FAM120B: variants seen among roughly 807,000 people sequenced by gnomAD.
FAM120B encodes constitutive coactivator of peroxisome proliferator-activated receptor gamma.
Under a neutral mutation model 96.3 loss-of-function variants are expected in FAM120B, and 83 were observed. The observed-to-expected ratio is 0.86, with a 90% CI of 0.72 to 1.03. FAM120B has a LOEUF of 1.03. Ranked by LOEUF, FAM120B falls within the 50% of genes least tolerant of loss-of-function variation. The pLI is 0.00. For missense variants in FAM120B, 1,027 were observed against 1,121.2 expected (o/e 0.92, Z 1.20); for synonymous variants, 407 against 402.7 (o/e 1.01, Z -0.13).
rs937924862 is a variant in FAM120B, at chr6:170,405,947, T to G, written c.*1196T>G. ...CGGCTGGGCTGCCATCAGGCCTGGT[T>G]TATGATGCCACAAGTGAATGGCACG... is the stretch of plus-strand genomic sequence containing the variant. On this transcript the variant is annotated 3_prime_UTR_variant, in exon 11 of 11. Coordinates refer to ENST00000476287, the MANE Select transcript of FAM120B (RefSeq NM_032448.3). 6.6e-6 allele frequency: 1 copy of G among 152,214 alleles called. No individual in the cohort carries two copies. Among genetic ancestry groups the G allele is most frequent in the African/African-American group, 2.4e-5 (1 of 41,458 alleles). The allele number at this position is 152,214 out of a possible 1,614,324, so 9.4% of individuals were successfully genotyped here.
At position 170,392,113 on chromosome 6, in the gene FAM120B, A is replaced by G. The variant is rs112581806; in HGVS notation, c.2599+992A>G. On this transcript the variant is annotated intron_variant, in intron 8 of 10. Transcript: ENST00000476287. ...GGAATCATAGATTGAAATATAATCA[A>G]TTTTAGGTAAATGATCACTGAATAC... Among the ~76,000 whole-genome samples the G allele has an allele frequency of 5.4e-3, 829 of 152,344 alleles. 9 individuals are homozygous for G. Among genetic ancestry groups the G allele is most frequent in the African/African-American group, 0.019 (787 of 41,578 alleles).
chr6:170,373,168 A>G (rs531927769), intron 6 of FAM120B, among the ~76,000 whole-genome samples: 1 of 152,360 alleles, frequency 6.6e-6, no homozygotes, highest in Admixed American at 6.5e-5. Context: ...CCTGGTTCCC[A>G]TCAGATGCCC....
intron 9 of FAM120B, among the ~76,000 whole-genome samples, chr6:170,398,295 G>A (rs1168273249): frequency 2.6e-5 from 4 of 152,256 alleles, no homozygotes; most frequent in African/African-American, 9.6e-5. Context: ...CATTAGTAAA[G>A]TGTAACTCTT....
Position 170,362,627 on chromosome 6 carries a change from C to A in FAM120B, c.2283+4309C>A, listed in dbSNP as rs533596253. ...ACTCACATGGTGTGTGCTCAGAAGT[C>A]ATTTTGCTCTCATCCCAGGGTGCAA... On this transcript the variant is annotated intron_variant, in intron 6 of 10. Transcript: ENST00000476287. Among the ~76,000 whole-genome samples, 3 of 151,934 alleles carry A rather than the reference C, an allele frequency of 2.0e-5. No homozygotes were observed. In the East Asian group the frequency reaches 5.8e-4, roughly 29 times the overall value.
chr6:170,368,722 G>A (rs375412823), intron 6 of FAM120B, among the ~76,000 whole-genome samples: 18 of 151,174 alleles, frequency 1.2e-4, no homozygotes, highest in African/African-American at 4.1e-4. Context: ...AAAACACCAC[G>A]GACTGGGTGG....
At chr6:170,376,293 AAG>A (rs1789506765) in intron 6 of FAM120B, among the ~76,000 whole-genome samples, 1 of 152,168 alleles carries the variant, frequency 6.6e-6, no homozygotes, top group African/African-American at 2.4e-5. Context: ...TGAAGCTTGT[AAG>A]AGAGTTTGGC....
chr6:170,336,594 T>C (rs2115091391), intron 4 of FAM120B, among the ~76,000 whole-genome samples: 1 of 152,338 alleles, frequency 6.6e-6, no homozygotes, highest in East Asian at 1.9e-4. Context: ...TTGGTGGGAA[T>C]AGCATTGAAT....
In FAM120B at chr6:170,370,212, G is replaced by T. The variant is rs533132523; in HGVS notation, c.2283+11894G>T. ...ACTTCCCCAGCGGGGCGGCCCCCAG[G>T]CCTTGTGTCCTCCTGCTCCCACATG... On this transcript the variant is annotated intron_variant, in intron 6 of 10. Coordinates refer to ENST00000476287, the MANE Select transcript of FAM120B (RefSeq NM_032448.3). The surrounding 1 kb of genome is among the most constrained non-coding windows in gnomAD (Gnocchi z 4.3). Among the ~76,000 whole-genome samples the T allele has an allele frequency of 7.2e-5, 11 of 152,324 alleles. No individual in the cohort carries two copies. The highest frequency in any genetic ancestry group is 2.6e-4 in the African/African-American group (11 of 41,580).
chr6:170,362,611 G>A (rs902826862), intron 6 of FAM120B, among the ~76,000 whole-genome samples: 1 of 152,058 alleles, frequency 6.6e-6, no homozygotes, highest in African/African-American at 2.4e-5. Flanking sequence ...CACTCACATG[G>A]TGTGTGCTCA....
chr6:170,404,517 TCTTA>T (rs1160809963), intron 9 of FAM120B, 29 bp from the exon 10 acceptor site: 2 of 1,602,010 alleles, frequency 1.2e-6, no homozygotes, highest in Non-Finnish European at 1.7e-6. Flanking sequence ...GAGATTTAAT[TCTTA>T]CTTTGGTTTT....
intron 8 of FAM120B, among the ~76,000 whole-genome samples, chr6:170,395,149 T>A (rs758596913): frequency 6.6e-6 from 1 of 152,094 alleles, no homozygotes; most frequent in Non-Finnish European, 1.5e-5. Flanking sequence ...CCTAGAGGGA[T>A]GGGCTTGGTC....
chr6:170,356,560 G>T (rs1039744294), intron 5 of FAM120B, among the ~76,000 whole-genome samples: 1 of 152,152 alleles, frequency 6.6e-6, no homozygotes, highest in African/African-American at 2.4e-5. Flanking sequence ...GTGAGGGATT[G>T]GTCCCAGGAC....
intron 9 of FAM120B, among the ~76,000 whole-genome samples, chr6:170,398,162 T>G (rs968911895): frequency 6.6e-6 from 1 of 152,242 alleles, no homozygotes; most frequent in Non-Finnish European, 1.5e-5. Context: ...CTGATGGGAC[T>G]CATCGCCACA....
Position 170,395,515 on chromosome 6 carries a change from C to T in FAM120B, c.2628C>T (p.Tyr876=). Residue 876 remains tyrosine (Y), a synonymous_variant, in exon 9 of 11, where the codon TAC becomes TAT. Coordinates refer to ENST00000476287, the MANE Select transcript of FAM120B (RefSeq NM_032448.3). ...GGTGGGGAAGACAGGGCTCCAGCTA[C>T]CACAGGACGGGCTCTGGGTATAGCC... The part of the protein sequence containing the change: ...AGRWGRQGSS[Y]HRTGSGYSRS... The T allele has an allele frequency of 6.3e-7, 1 of 1,599,602 alleles. No homozygotes were observed. The highest frequency in any genetic ancestry group is 2.3e-5 in the East Asian group (1 of 44,302).
chr6:170,313,144 C>G (rs771987698), intron 1 of FAM120B, among the ~76,000 whole-genome samples: 1 of 152,184 alleles, frequency 6.6e-6, no homozygotes, highest in Non-Finnish European at 1.5e-5. Context: ...GGCACCCACC[C>G]TTATTTATTC....
In FAM120B at chr6:170,363,485, G is replaced by C. The variant is rs540855165; in HGVS notation, c.2283+5167G>C. 6.6e-6 allele frequency among the ~76,000 whole-genome samples: 1 copy of C among 152,330 alleles called. No homozygotes were observed. The highest frequency in any genetic ancestry group is 1.5e-5 in the Non-Finnish European group (1 of 68,034). On this transcript the variant is annotated intron_variant, in intron 6 of 10. Coordinates refer to ENST00000476287, the MANE Select transcript of FAM120B (RefSeq NM_032448.3). The surrounding 1 kb of genome is among the most constrained non-coding windows in gnomAD (Gnocchi z 4.5). ...CACAGCTTGGCCTGGGGCCTGCTGG[G>C]GCGCTCAGAAAACAGCAAGCTGTGT...
intron 9 of FAM120B, among the ~76,000 whole-genome samples, chr6:170,397,855 G>T (rs1261220554): frequency 6.6e-6 from 1 of 152,182 alleles, no homozygotes; most frequent in Non-Finnish European, 1.5e-5. Flanking sequence ...ACCCAGTAAG[G>T]CAGGCTGGCA....
intron 6 of FAM120B, among the ~76,000 whole-genome samples, chr6:170,368,824 G>GC (rs147205762): frequency 5.8e-4 from 65 of 112,792 alleles, no homozygotes; most frequent in Admixed American, 1.4e-3. Context: ...CGGGGCTGGG[G>GC]GGGGGGCTCC....
Position 170,318,948 on chromosome 6 carries a change from G to A in FAM120B, c.1558G>A (p.Asp520Asn), listed in dbSNP as rs1435378147. 2 of 1,614,058 alleles carry A rather than the reference G, an allele frequency of 1.2e-6. No individual in the cohort carries two copies. Among genetic ancestry groups the A allele is most frequent in the Non-Finnish European group, 1.7e-6 (2 of 1,180,026 alleles). Residue 520 changes from aspartate to asparagine, a missense_variant, in exon 2 of 11, where the codon GAC (aspartate) becomes AAC (asparagine). Asp to Asn is a conservative substitution (Grantham distance 23, BLOSUM62 1). Transcript: ENST00000476287. ...TACAGATCCTATATCCAAGCAAGAAGACTCCATGTGTACACACGCTGAAAT... is the reference window on the plus strand; with the variant it reads ...TACAGATCCTATATCCAAGCAAGAAAACTCCATGTGTACACACGCTGAAAT... Reference protein sequence around the residue: ...ICTDPISKQEDSMCTHAEINQ... With the variant: ...ICTDPISKQENSMCTHAEINQ...
Sources: gnomAD v4.1 joint callset for allele counts (sites outside exome capture counted in the v4.1 genomes callset) on GRCh38, gnomAD v4.1.1 for gene constraint, Gnocchi (gnomAD v3.1) non-coding constraint, MANE v1.5 for transcripts, NCBI Gene and HGNC (gene_info 2026-07-23, HGNC 2026-07-21) for gene names.